QTMAN: variants seen among roughly 807,000 people sequenced by gnomAD.
QTMAN encodes queuosine-tRNA mannosyltransferase.
the QTMAN span, among the ~76,000 whole-genome samples, chr2:144,066,147 TCTTC>T: frequency 3.9e-5 from 6 of 152,184 alleles, no homozygotes; most frequent in African/African-American, 1.4e-4. Flanking sequence ...TCTCATTCTT[TCTTC>T]CTTTTCTTTT....
At chr2:144,122,965 C>T in the QTMAN span, among the ~76,000 whole-genome samples, 1 of 152,150 alleles carries the variant, frequency 6.6e-6, no homozygotes, top group Non-Finnish European at 1.5e-5. Context: ...CACATGGACA[C>T]ACACATACAC....
At chr2:143,956,072 T>C in the QTMAN span, among the ~76,000 whole-genome samples, 2 of 152,270 alleles carry the variant, frequency 1.3e-5, no homozygotes, top group African/African-American at 2.4e-5. Flanking sequence ...TTTCTAAGTG[T>C]CTCCATTTAC....
At chr2:144,070,196 T>C in the QTMAN span, among the ~76,000 whole-genome samples, 1 of 152,144 alleles carries the variant, frequency 6.6e-6, no homozygotes, top group Non-Finnish European at 1.5e-5. Flanking sequence ...CTACATATAT[T>C]TTTCCTTTAA....
chr2:144,084,960 G>T, the QTMAN span, among the ~76,000 whole-genome samples: 6 of 149,760 alleles, frequency 4.0e-5, no homozygotes, highest in South Asian at 8.3e-4. Context: ...TGACTAAGTG[G>T]GTCCCTGGTA....
the QTMAN span, among the ~76,000 whole-genome samples, chr2:144,067,657 G>A: frequency 3.9e-5 from 6 of 152,144 alleles, no homozygotes; most frequent in African/African-American, 1.2e-4. Flanking sequence ...CTAGGGTACC[G>A]CCAGAGAAGA....
the QTMAN span, among the ~76,000 whole-genome samples, chr2:144,142,642 G>A: frequency 6.6e-6 from 1 of 151,952 alleles, no homozygotes; most frequent in African/African-American, 2.4e-5. Flanking sequence ...ACACAGAAAG[G>A]ATTATGGTAT....
At chr2:143,969,863 T>A in the QTMAN span, among the ~76,000 whole-genome samples, 1 of 152,162 alleles carries the variant, frequency 6.6e-6, no homozygotes, top group African/African-American at 2.4e-5. Flanking sequence ...TGTACTAGAA[T>A]CAAGAAGCAC....
chr2:144,039,591 C>T, the QTMAN span, among the ~76,000 whole-genome samples: 1 of 152,148 alleles, frequency 6.6e-6, no homozygotes, highest in East Asian at 1.9e-4. Flanking sequence ...GATAAAAATG[C>T]ATTTTCTGAG....
At chr2:144,301,590 C>T in the QTMAN span, among the ~76,000 whole-genome samples, 2 of 152,158 alleles carry the variant, frequency 1.3e-5, no homozygotes, top group Non-Finnish European at 2.9e-5. Flanking sequence ...AATAGCATTT[C>T]CAAAGATGCA....
the QTMAN span, among the ~76,000 whole-genome samples, chr2:144,167,469 T>C: frequency 6.6e-6 from 1 of 152,110 alleles, no homozygotes; most frequent in African/African-American, 2.4e-5. Context: ...TCACCTTGAA[T>C]TGTAATCTTC....
chr2:144,013,226 T>C, the QTMAN span, among the ~76,000 whole-genome samples: 2 of 152,202 alleles, frequency 1.3e-5, no homozygotes, highest in Admixed American at 1.3e-4. Context: ...AAGTACCTAT[T>C]GAGTACCTAA....
the QTMAN span, among the ~76,000 whole-genome samples, chr2:144,018,700 G>T: frequency 6.7e-6 from 1 of 149,990 alleles, no homozygotes; most frequent in African/African-American, 2.5e-5. Context: ...GAGTGAAAAA[G>T]GTTCAGAGAA....
chr2:144,082,659 C>A, the QTMAN span, among the ~76,000 whole-genome samples: 1 of 151,906 alleles, frequency 6.6e-6, no homozygotes, highest in Non-Finnish European at 1.5e-5. Context: ...TTTGTATAAC[C>A]CTCTTATGTT....
the QTMAN span, among the ~76,000 whole-genome samples, chr2:144,101,168 C>T: frequency 6.6e-6 from 1 of 152,062 alleles, no homozygotes; most frequent in Non-Finnish European, 1.5e-5. Flanking sequence ...GTGCCCGGCC[C>T]ATTTAGTCTT....
the QTMAN span, among the ~76,000 whole-genome samples, chr2:144,228,947 G>C: frequency 6.6e-4 from 100 of 151,514 alleles, 1 homozygote; most frequent in Non-Finnish European, 6.3e-4. Flanking sequence ...GACAAAGCAA[G>C]ACTCCATCCA....
chr2:144,100,004 C>T, the QTMAN span, among the ~76,000 whole-genome samples: 1 of 152,140 alleles, frequency 6.6e-6, no homozygotes, highest in Non-Finnish European at 1.5e-5. Context: ...TCACTCTTAA[C>T]GTCGTGTGTA....
the QTMAN span, among the ~76,000 whole-genome samples, chr2:144,185,909 T>C: frequency 1.3e-5 from 2 of 152,204 alleles, no homozygotes; most frequent in African/African-American, 2.4e-5. Context: ...ATAGGAAAGA[T>C]AGTTTGTAGA....
the QTMAN span, among the ~76,000 whole-genome samples, chr2:143,953,826 C>G: frequency 6.6e-6 from 1 of 151,628 alleles, no homozygotes; most frequent in Admixed American, 6.6e-5. Flanking sequence ...TTTTTTCAAC[C>G]CAAGAGTACT....
At chr2:144,300,812 C>T in the QTMAN span, among the ~76,000 whole-genome samples, 1 of 152,050 alleles carries the variant, frequency 6.6e-6, no homozygotes, top group Non-Finnish European at 1.5e-5. Flanking sequence ...AAAATAATAA[C>T]TCAAAACGAG....
Sources: allele counts gnomAD v4.1 joint callset (sites outside exome capture counted in the v4.1 genomes callset), GRCh38; gene constraint gnomAD v4.1.1; transcripts MANE v1.5; gene names NCBI Gene and HGNC (gene_info 2026-07-23, HGNC 2026-07-21).